NUDT19: variants seen among roughly 807,000 people sequenced by gnomAD.
The protein encoded by NUDT19 is acyl-coenzyme A diphosphatase NUDT19.
A neutral mutation model predicts 22.2 loss-of-function variants in NUDT19; 31 were observed. The ratio of observed to expected loss-of-function variants is 1.40; its 90% CI spans 1.05 to 1.89. The LOEUF (loss-of-function observed/expected upper bound fraction) is 1.89, where lower values mean the gene tolerates loss of function less well. Ranked by LOEUF, NUDT19 falls within the 40% of genes most tolerant of loss-of-function variation. NUDT19 has a pLI of 0.00. For synonymous variants in NUDT19, 325 were observed against 230.8 expected (o/e 1.41, Z -3.70); for missense variants, 752 against 514.2 (o/e 1.46, Z -4.47).
At chr19:32,696,304 T>C (rs1413515474) in intron 1 of NUDT19, among the ~76,000 whole-genome samples, 1 of 152,214 alleles carries the variant, frequency 6.6e-6, no homozygotes, top group African/African-American at 2.4e-5. Flanking sequence ...CCTTGTATTA[T>C]TTTGATAGCC....
chr19:32,703,861 C>A (rs1968360728), intron 1 of NUDT19, among the ~76,000 whole-genome samples: 1 of 151,514 alleles, frequency 6.6e-6, no homozygotes, highest in Non-Finnish European at 1.5e-5. Context: ...TGAGTTTTCA[C>A]CATGTTGGCC....
At chr19:32,704,888 C>T (rs1183560395) in intron 1 of NUDT19, among the ~76,000 whole-genome samples, 1 of 151,520 alleles carries the variant, frequency 6.6e-6, no homozygotes, top group African/African-American at 2.4e-5. Context: ...GGGTAGATCA[C>T]CTGAGGTCAG....
At chr19:32,708,676 C>T (rs1371284741) in intron 1 of NUDT19, among the ~76,000 whole-genome samples, 2 of 152,158 alleles carry the variant, frequency 1.3e-5, no homozygotes, top group Non-Finnish European at 2.9e-5. Flanking sequence ...CGCCGTTGTA[C>T]CATGTGGCAC....
Position 32,712,288 on chromosome 19 carries a change from A to G in NUDT19, c.*331A>G, listed in dbSNP as rs771950383. ...GAGACGGGTTTTCACCGTGTTAGCC[A>G]GGATGGTCTCAATCTCTTGACCTCG... On this transcript the variant is annotated 3_prime_UTR_variant, in exon 3 of 3. Transcript: ENST00000397061. 3 of 198,146 alleles carry G rather than the reference A, an allele frequency of 1.5e-5. No individual in the cohort carries two copies. The highest frequency in any genetic ancestry group is 5.6e-5 in the Admixed American group (1 of 17,774). 12.3% of individuals were successfully genotyped at this position (198,146 alleles called of 1,614,324 possible). A position where few individuals can be genotyped will look rare whatever the true frequency, so the allele number is the denominator to read the frequency against.
chr19:32,705,665 A>G (rs935305325), intron 1 of NUDT19, among the ~76,000 whole-genome samples: 40 of 149,174 alleles, frequency 2.7e-4, no homozygotes, highest in Middle Eastern at 3.4e-3. Flanking sequence ...GCTCACTGCA[A>G]CCTCCTCCTC....
intron 1 of NUDT19, among the ~76,000 whole-genome samples, chr19:32,702,417 G>C (rs913285397): frequency 1.4e-5 from 2 of 145,224 alleles, no homozygotes; most frequent in Non-Finnish European, 3.0e-5. Flanking sequence ...ATCTGTTACC[G>C]AAGTTATGCA....
At position 32,711,985 on chromosome 19, in the gene NUDT19, C is replaced by A; in HGVS notation, c.*28C>A. 7.1e-7 allele frequency: 1 copy of A among 1,404,098 alleles called. No individual in the cohort carries two copies. Among genetic ancestry groups the A allele is most frequent in the Non-Finnish European group, 1.0e-6 (1 of 990,268 alleles). 87.0% of individuals were successfully genotyped at this position (1,404,098 alleles called of 1,614,324 possible). On this transcript the variant is annotated 3_prime_UTR_variant, in exon 3 of 3. Transcript: ENST00000397061. ...TGCTTAAGCTTGTTTGTAAAATGGC[C>A]TACTTGAAGTCCTCATGAATAATGA...
At chr19:32,700,763 C>T (rs919376395) in intron 1 of NUDT19, among the ~76,000 whole-genome samples, 1 of 151,998 alleles carries the variant, frequency 6.6e-6, no homozygotes, top group African/African-American at 2.4e-5. Flanking sequence ...TTGGCCAGTA[C>T]AGTGACTGAT....
chr19:32,699,446 AC>A (rs1385227465), intron 1 of NUDT19, among the ~76,000 whole-genome samples: 13 of 151,984 alleles, frequency 8.6e-5, no homozygotes, highest in African/African-American at 2.4e-4. Flanking sequence ...CTCGCTGTCG[AC>A]CCTCGGCTCA....
At chr19:32,695,215 T>C (rs1404546243) in intron 1 of NUDT19, among the ~76,000 whole-genome samples, 1 of 152,200 alleles carries the variant, frequency 6.6e-6, no homozygotes, top group Non-Finnish European at 1.5e-5. Flanking sequence ...AGTCTTGCCC[T>C]GTCACCCAGG....
In NUDT19 at chr19:32,692,132, G is replaced by C. The variant is rs1001664426; in HGVS notation, c.172G>C (p.Gly58Arg). Residue 58 changes from glycine to arginine, a missense_variant, in exon 1 of 3, where the codon GGC (glycine) becomes CGC (arginine). Gly to Arg is a moderately radical substitution (Grantham distance 125, BLOSUM62 -2). Transcript: ENST00000397061. ...QRSPHQGFMP[G>R]AHVFSGGVLD... ...CTCCCCGCACCAAGGCTTCATGCCG[G>C]GCGCGCACGTCTTCTCCGGCGGAGT... 4 of 1,476,778 alleles carry C rather than the reference G, an allele frequency of 2.7e-6. No individual in the cohort carries two copies. The East Asian group carries it at 1.1e-4, about 41-fold the overall frequency. 91.5% of individuals were successfully genotyped at this position (1,476,778 alleles called of 1,614,324 possible).
intron 1 of NUDT19, among the ~76,000 whole-genome samples, chr19:32,708,077 A>T (rs1968406520): frequency 6.6e-6 from 1 of 150,674 alleles, no homozygotes; most frequent in Non-Finnish European, 1.5e-5. Flanking sequence ...TGAACCCGGG[A>T]AGTAGAGGTT....
intron 2 of NUDT19, 150 bp from the exon 3 acceptor site, chr19:32,711,602 T>C: frequency 3.3e-6 from 2 of 609,338 alleles, no homozygotes; most frequent in Non-Finnish European, 5.8e-6. Context: ...TCCAAACATA[T>C]GAAATAGATA....
Position 32,692,202 on chromosome 19 carries a change from C to G in NUDT19, c.242C>G (p.Ala81Gly), listed in dbSNP as rs764181029. Residue 81 changes from alanine to glycine, a missense_variant, in exon 1 of 3, where the codon GCG (alanine) becomes GGG (glycine). Ala to Gly is a moderately conservative substitution (Grantham distance 60, BLOSUM62 0). Transcript: ENST00000397061. ...DRSADWLGLF[A>G]PHHGPPRFGL... is the part of the protein sequence containing the mutation. ...TCGGCGGACTGGCTGGGCCTCTTCG[C>G]GCCGCACCACGGGCCGCCGCGCTTC... 3.2e-6 allele frequency: 5 copies of G among 1,575,610 alleles called. No homozygotes were observed. The African/African-American group carries it at 6.9e-5, about 22-fold the overall frequency.
rs778556035 is a variant in NUDT19 at position 32,709,218 on chromosome 19, T to G, written c.748T>G (p.Leu250Val). ...SSPSEATESF[L>V]SKEIWLPPPQ... ...TCCATCAGAGGCAACTGAAAGTTTC[T>G]TATCAAAAGAAATTTGGTTGCCACC... Residue 250 changes from leucine to valine, a missense_variant, in exon 2 of 3, where the codon TTA (leucine) becomes GTA (valine). Physicochemically the swap from Leu to Val is conservative, Grantham distance 32 (BLOSUM62 1). Transcript: ENST00000397061. 1.0e-4 allele frequency: 166 copies of G among 1,613,862 alleles called. No individual in the cohort carries two copies. The highest frequency in any genetic ancestry group is 1.4e-4 in the Non-Finnish European group (163 of 1,180,000).
rs201842907 is a variant in NUDT19 at position 32,692,322 on chromosome 19, A to G, written c.362A>G (p.Asp121Gly). ...KTDNTGTLPEDVAFRICAVRE... is the reference protein window; with the variant it reads ...KTDNTGTLPEGVAFRICAVRE... Reference sequence around the variant, plus strand: ...GACAACACTGGGACGCTGCCTGAGGACGTAGCCTTCCGCATCTGCGCCGTG... The same window carrying G: ...GACAACACTGGGACGCTGCCTGAGGGCGTAGCCTTCCGCATCTGCGCCGTG... The change falls in exon 1 of 3, where the codon GAC becomes GGC. Residue 121 changes from aspartate to glycine, a missense_variant. By Grantham distance (94) the Asp-to-Gly change is moderately conservative. Transcript: ENST00000397061. 1,118 of 1,592,614 alleles carry G rather than the reference A, an allele frequency of 7.0e-4. 12 individuals carry two copies. The African/African-American group carries it at 0.012, about 18-fold the overall frequency.
chr19:32,699,664 A>C (rs764250696), intron 1 of NUDT19, among the ~76,000 whole-genome samples: 10 of 152,200 alleles, frequency 6.6e-5, no homozygotes, highest in African/African-American at 1.9e-4. Flanking sequence ...TAGCAAGCGA[A>C]AGGGGTCCAA....
Position 32,692,404 on chromosome 19 carries a change from A to G in NUDT19, c.444A>G (p.Pro148=), listed in dbSNP as rs1028240278. 6.4e-7 allele frequency: 1 copy of G among 1,572,712 alleles called. No individual in the cohort carries two copies. The highest frequency in any genetic ancestry group is 8.6e-7 in the Non-Finnish European group (1 of 1,167,352). ...TGCTGCGGCCCAGGACTTCCCCACCAGGCCCAGCACCCGGGCCTGGCCTCG... is the reference window on the plus strand; with the variant it reads ...TGCTGCGGCCCAGGACTTCCCCACCGGGCCCAGCACCCGGGCCTGGCCTCG... ...VLLLRPRTSP[P]GPAPGPGLAL... Residue 148 remains proline (P), a synonymous_variant, in exon 1 of 3, where the codon CCA becomes CCG. Coordinates refer to ENST00000397061, the MANE Select transcript of NUDT19 (RefSeq NM_001105570.2).
At position 32,692,259 on chromosome 19, in the gene NUDT19, CT is replaced by C; in HGVS notation, c.302del (p.Phe101SerfsTer22). The C allele has an allele frequency of 1.3e-6, 2 of 1,592,366 alleles. No homozygotes were observed. The highest frequency in any genetic ancestry group is 1.7e-6 in the Non-Finnish European group (2 of 1,177,546). On this transcript the variant is annotated frameshift_variant, in exon 1 of 3. Transcript: ENST00000397061. LOFTEE classifies it high-confidence loss of function. ...GGCCCGGCGCCATTCAGCCGCACCG[CT>C]TTCCCGTCGCTGCCCGACACCGATG... ...GLGPAPFSRTAFPSLPDTDDH... is the reference protein window; with the variant it reads ...GLGPAPFSRTXFPSLPDTDDH...
Sources: gnomAD v4.1 joint callset for allele counts (sites outside exome capture counted in the v4.1 genomes callset) on GRCh38, gnomAD v4.1.1 for gene constraint, MANE v1.5 for transcripts, NCBI Gene and HGNC (gene_info 2026-07-23, HGNC 2026-07-21) for gene names.